The following EFL1 variants were observed in gnomAD, a reference collection of about 807,000 sequenced individuals.
The protein encoded by EFL1 is elongation factor like GTPase 1.
Under a neutral mutation model 126.7 loss-of-function variants are expected in EFL1, and 76 were observed. The ratio of observed to expected loss-of-function variants is 0.60; its 90% CI spans 0.50 to 0.73. The LOEUF is 0.73. Among genes scored for constraint, EFL1 ranks in the 30% least tolerant of loss-of-function variants. The pLI, the probability that EFL1 is intolerant of heterozygous loss-of-function variation, is 0.00. For synonymous variants in EFL1, 410 were observed against 448.4 expected (o/e 0.91, Z 1.08); for missense variants, 1,128 against 1,343.2 (o/e 0.84, Z 2.50).
chr15:82,240,751 G>C lies in EFL1; in HGVS notation c.379-196C>G, dbSNP rs2074922736. 6.6e-6 allele frequency among the ~76,000 whole-genome samples: 1 copy of C among 152,160 alleles called. No individual in the cohort carries two copies. Among genetic ancestry groups the C allele is most frequent in the Non-Finnish European group, 1.5e-5 (1 of 68,008 alleles). Reference sequence around the variant, plus strand: ...CATTGTTGCCTTTATGCAACTGACAGTTAAGAAGGATAAATAAGGCCGGGC... The same window carrying C: ...CATTGTTGCCTTTATGCAACTGACACTTAAGAAGGATAAATAAGGCCGGGC... On this transcript the variant is annotated intron_variant, in intron 5 of 19. Coordinates refer to ENST00000268206, the MANE Select transcript of EFL1 (RefSeq NM_024580.6).
At chr15:82,139,830 G>A (rs553349599) in intron 18 of EFL1, among the ~76,000 whole-genome samples, 1 of 152,150 alleles carries the variant, frequency 6.6e-6, no homozygotes, top group Non-Finnish European at 1.5e-5. Flanking sequence ...ATTGAGTCCT[G>A]GACCCTTCTC....
At chr15:82,202,061 T>G (rs1422677529) in intron 15 of EFL1, among the ~76,000 whole-genome samples, 1 of 152,124 alleles carries the variant, frequency 6.6e-6, no homozygotes, top group Non-Finnish European at 1.5e-5. Context: ...AAAAACTAAT[T>G]CCCTCTATCA....
rs559936968 is a variant in EFL1 at position 82,251,658 on chromosome 15, C to T, written c.244+1033G>A. 9.9e-5 allele frequency among the ~76,000 whole-genome samples: 15 copies of T among 152,000 alleles called. No homozygotes were observed. The South Asian group carries it at 2.9e-3, about 30-fold the overall frequency. On this transcript the variant is annotated intron_variant, in intron 4 of 19. Coordinates refer to ENST00000268206, the MANE Select transcript of EFL1 (RefSeq NM_024580.6). ...AGAAGTGGTTTAAAAAAAAATGAAG[C>T]GTTAAACATTAAACATCGAGAAATC...
At position 82,163,951 on chromosome 15, in the gene EFL1, G is replaced by A. The variant is rs757324026; in HGVS notation, c.1784C>T (p.Ser595Phe). The change falls in exon 16 of 20, where the codon TCT (serine) becomes TTT (phenylalanine). Residue 595 changes from serine to phenylalanine, a missense_variant. Around this residue, in one of 6 missense-constraint regions of EFL1, gnomAD observed 561 missense variants for 641.7 expected, o/e 0.87. Coordinates refer to ENST00000268206, the MANE Select transcript of EFL1 (RefSeq NM_024580.6). ...IGGLQDFVLK[S>F]ATLCSLPSCP... ...GGATGGCAGGCTACACAGTGTTGCA[G>A]ATTTCAGCACAAAATCTTGAAGGCC... 1.2e-6 allele frequency: 2 copies of A among 1,613,978 alleles called. No individual in the cohort carries two copies. The highest frequency in any genetic ancestry group is 2.7e-5 in the African/African-American group (2 of 74,918).
chr15:82,170,989 G>A (rs1363410608), intron 15 of EFL1, among the ~76,000 whole-genome samples: 1 of 152,174 alleles, frequency 6.6e-6, no homozygotes, highest in Non-Finnish European at 1.5e-5. Flanking sequence ...CTGGAAATTT[G>A]TTTTAAGACA....
intron 18 of EFL1, among the ~76,000 whole-genome samples, chr15:82,141,688 A>AC (rs2073789797): frequency 1.1e-5 from 1 of 88,424 alleles, no homozygotes; most frequent in Non-Finnish European, 3.0e-5. Context: ...AAAAAAAACC[A>AC]AAAAAAAAAA....
chr15:82,252,453 A>T (rs184679075), intron 4 of EFL1, among the ~76,000 whole-genome samples: 1 of 152,286 alleles, frequency 6.6e-6, no homozygotes, highest in Non-Finnish European at 1.5e-5. Flanking sequence ...AATCCATATA[A>T]TCACCTGGTG....
At chr15:82,172,430 G>A (rs554869609) in intron 15 of EFL1, among the ~76,000 whole-genome samples, 2 of 152,082 alleles carry the variant, frequency 1.3e-5, no homozygotes, top group African/African-American at 4.8e-5. Context: ...TGGTGGGAGC[G>A]TTTCTGATTG....
rs1391457401 is a variant in EFL1, at chr15:82,262,655, C to A, written c.-61G>T. 3 of 502,046 alleles carry A rather than the reference C, an allele frequency of 6.0e-6. No homozygotes were observed. Among genetic ancestry groups the A allele is most frequent in the Non-Finnish European group, 1.1e-5 (3 of 285,604 alleles). 31.1% of individuals were successfully genotyped at this position (502,046 alleles called of 1,614,324 possible). A position where few individuals can be genotyped will look rare whatever the true frequency, so the allele number is the denominator to read the frequency against. On this transcript the variant is annotated 5_prime_UTR_variant, in exon 1 of 20. Transcript: ENST00000268206. ...ACCAGCCCCGCTCCTTCTCTCGGGT[C>A]GCACCCACACCGAGAGCTTCCGAAA...
chr15:82,205,440 GTAT>G (rs1223617921), intron 15 of EFL1, among the ~76,000 whole-genome samples: 3 of 152,016 alleles, frequency 2.0e-5, no homozygotes, highest in African/African-American at 7.2e-5. Context: ...TATAAACCTT[GTAT>G]TATTGACCAT....
intron 15 of EFL1, among the ~76,000 whole-genome samples, chr15:82,177,527 G>A (rs1396913053): frequency 6.6e-6 from 1 of 152,084 alleles, no homozygotes; most frequent in African/African-American, 2.4e-5. Flanking sequence ...GCCTCCTCCT[G>A]GCTGCATACT....
At chr15:82,252,862 T>C in intron 3 of EFL1, 87 bp from the exon 4 acceptor site, 2 of 881,840 alleles carry the variant, frequency 2.3e-6, no homozygotes, top group Non-Finnish European at 3.6e-6. Context: ...TTGTTTTAAA[T>C]ACTTATATTT....
intron 19 of EFL1, among the ~76,000 whole-genome samples, chr15:82,134,599 T>C (rs1276721386): frequency 6.6e-6 from 1 of 152,200 alleles, no homozygotes; most frequent in Non-Finnish European, 1.5e-5. Context: ...TGCTGGCAGG[T>C]GGAAAATACC....
intron 15 of EFL1, among the ~76,000 whole-genome samples, chr15:82,168,089 G>A (rs2074097553): frequency 6.6e-6 from 1 of 152,166 alleles, no homozygotes; most frequent in East Asian, 1.9e-4. Flanking sequence ...TGGGAATCTA[G>A]AGAACCCTTA....
intron 15 of EFL1, among the ~76,000 whole-genome samples, chr15:82,174,729 A>G (rs887741332): frequency 6.6e-6 from 1 of 152,176 alleles, no homozygotes; most frequent in African/African-American, 2.4e-5. Flanking sequence ...GTTGAACCTT[A>G]GTCCCACTGC....
chr15:82,141,798 C>T (rs547609362), intron 18 of EFL1, among the ~76,000 whole-genome samples: 23 of 151,872 alleles, frequency 1.5e-4, no homozygotes, highest in African/African-American at 5.1e-4. Flanking sequence ...AAACAGACCA[C>T]GAATAAGGGG....
chr15:82,223,078 C>T (rs112326668), intron 12 of EFL1, among the ~76,000 whole-genome samples: 62 of 152,160 alleles, frequency 4.1e-4, no homozygotes, highest in African/African-American at 1.4e-3. Context: ...GCTTTGTGGG[C>T]GCCGAATCCT....
intron 15 of EFL1, among the ~76,000 whole-genome samples, chr15:82,171,304 A>G (rs1227116389): frequency 1.3e-5 from 2 of 152,202 alleles, no homozygotes; most frequent in Non-Finnish European, 2.9e-5. Flanking sequence ...TCTCTTCTTG[A>G]GCAAGTGGCA....
At chr15:82,258,883 A>C (rs1412334941) in intron 3 of EFL1, among the ~76,000 whole-genome samples, 2 of 152,366 alleles carry the variant, frequency 1.3e-5, no homozygotes, top group Non-Finnish European at 2.9e-5. Context: ...TCACTTTTGC[A>C]CTTAGGATAA....
Sources: gnomAD v4.1 joint callset for allele counts (sites outside exome capture counted in the v4.1 genomes callset) on GRCh38, gnomAD v4.1.1 for gene constraint, gnomAD v4.1.1 regional missense constraint, MANE v1.5 for transcripts, NCBI Gene and HGNC (gene_info 2026-07-23, HGNC 2026-07-21) for gene names.